CDKAL1: variants seen among roughly 807,000 people sequenced by gnomAD.
CDKAL1 encodes threonylcarbamoyladenosine tRNA methylthiotransferase.
Under a neutral mutation model 68.2 loss-of-function variants are expected in CDKAL1, and 32 were observed. The ratio of observed to expected loss-of-function variants is 0.47; its 90% CI spans 0.35 to 0.63. CDKAL1 has a LOEUF of 0.63. CDKAL1 is among the 30% of genes least tolerant of loss of function. CDKAL1 has a pLI of 0.00. For synonymous variants in CDKAL1, 234 were observed against 244.3 expected, an observed-to-expected ratio of 0.96 and a Z score of 0.39; for missense variants, 606 against 696.7, an observed-to-expected ratio of 0.87 and a Z score of 1.47.
chr6:20,563,422 C>G (rs1764341993), intron 4 of CDKAL1, among the ~76,000 whole-genome samples: 1 of 152,094 alleles, frequency 6.6e-6, no homozygotes, highest in African/African-American at 2.4e-5. Flanking sequence ...GTATTTGAAG[C>G]TTATCATTTC....
chr6:20,624,581 C>A (rs968976026), intron 4 of CDKAL1, among the ~76,000 whole-genome samples: 1 of 151,858 alleles, frequency 6.6e-6, no homozygotes, highest in African/African-American at 2.4e-5. Flanking sequence ...CACCATGAGC[C>A]CCACAAACTC....
chr6:21,031,506 G>T (rs1769290252), intron 11 of CDKAL1, among the ~76,000 whole-genome samples: 1 of 151,908 alleles, frequency 6.6e-6, no homozygotes, highest in South Asian at 2.1e-4. Context: ...GAGGCAAGAT[G>T]TCTGCCTACC....
intron 6 of CDKAL1, among the ~76,000 whole-genome samples, chr6:20,746,996 TC>T (rs1468265201): frequency 2.6e-5 from 4 of 152,056 alleles, no homozygotes; most frequent in Non-Finnish European, 5.9e-5. Context: ...CACATTTTTC[TC>T]CCCCTCCCCA....
At chr6:20,734,147 T>C (rs911187272) in intron 5 of CDKAL1, among the ~76,000 whole-genome samples, 9 of 146,282 alleles carry the variant, frequency 6.2e-5, no homozygotes, top group Non-Finnish European at 1.0e-4. Context: ...AGACTCTGTC[T>C]TGAAAAAAAA....
chr6:20,780,767 G>T (rs1018307965), intron 7 of CDKAL1, among the ~76,000 whole-genome samples: 2 of 147,426 alleles, frequency 1.4e-5, no homozygotes, highest in Non-Finnish European at 1.5e-5. Context: ...TCCGCCTCCC[G>T]GGCTCGAGCT....
chr6:20,612,399 A>G (rs1225118121), intron 4 of CDKAL1, among the ~76,000 whole-genome samples: 1 of 152,170 alleles, frequency 6.6e-6, no homozygotes, highest in Non-Finnish European at 1.5e-5. Context: ...TTTTCTCTGC[A>G]TCCTTATAAG....
chr6:20,971,002 C>A (rs984601432), intron 10 of CDKAL1, among the ~76,000 whole-genome samples: 1 of 152,136 alleles, frequency 6.6e-6, no homozygotes. Context: ...GCACGTGCCA[C>A]CACACCCGGC....
At chr6:21,189,209 G>A (rs1030037596) in intron 13 of CDKAL1, among the ~76,000 whole-genome samples, 1 of 152,130 alleles carries the variant, frequency 6.6e-6, no homozygotes, top group Non-Finnish European at 1.5e-5. Context: ...ACTGCCTCGG[G>A]CCTGGTCTTT....
chr6:21,039,114 A>G (rs1041811175), intron 11 of CDKAL1, among the ~76,000 whole-genome samples: 4 of 152,156 alleles, frequency 2.6e-5, no homozygotes, highest in Non-Finnish European at 5.9e-5. Flanking sequence ...ACTCAGCAGG[A>G]GGGGAGCAAG....
intron 5 of CDKAL1, among the ~76,000 whole-genome samples, chr6:20,702,589 G>GGCTGGCCT (rs201914127): frequency 0.046 from 7,020 of 152,210 alleles, 181 homozygotes; most frequent in Middle Eastern, 0.082. Context: ...GTCGATGGCC[G>GGCTGGCCT]GCTGGCCTGC....
chr6:20,952,584 G>T (rs1490324487), intron 9 of CDKAL1, among the ~76,000 whole-genome samples: 1 of 152,234 alleles, frequency 6.6e-6, no homozygotes, highest in East Asian at 1.9e-4. Context: ...TAAAGGTTTG[G>T]ATGAATTGAG....
chr6:20,948,043 G>C (rs1194207403), intron 9 of CDKAL1, among the ~76,000 whole-genome samples: 2 of 135,146 alleles, frequency 1.5e-5, no homozygotes, highest in Non-Finnish European at 3.1e-5. Flanking sequence ...AAAGAAACAA[G>C]GTCTTACTCT....
At chr6:20,556,467 A>C (rs1377535979) in intron 4 of CDKAL1, among the ~76,000 whole-genome samples, 1 of 152,158 alleles carries the variant, frequency 6.6e-6, no homozygotes, top group Non-Finnish European at 1.5e-5. Flanking sequence ...AAAGTAATTG[A>C]TCCAGTGGAA....
chr6:21,221,154 G>A (rs1213344344), intron 15 of CDKAL1, among the ~76,000 whole-genome samples: 1 of 152,062 alleles, frequency 6.6e-6, no homozygotes, highest in Non-Finnish European at 1.5e-5. Context: ...GTGACAGAGC[G>A]AGACTCTATC....
chr6:20,835,129 G>A (rs771447363), intron 8 of CDKAL1, among the ~76,000 whole-genome samples: 1 of 152,178 alleles, frequency 6.6e-6, no homozygotes, highest in African/African-American at 2.4e-5. Context: ...TGGGTAGAGG[G>A]TTTAGAGGGA....
At chr6:21,064,709 A>C (rs977897544) in intron 11 of CDKAL1, among the ~76,000 whole-genome samples, 4 of 152,206 alleles carry the variant, frequency 2.6e-5, no homozygotes, top group Non-Finnish European at 4.4e-5. Context: ...GAGTAGTTCA[A>C]GAGTTAAAGC....
intron 5 of CDKAL1, among the ~76,000 whole-genome samples, chr6:20,690,358 T>G (rs1404122049): frequency 6.6e-6 from 1 of 152,192 alleles, no homozygotes; most frequent in Non-Finnish European, 1.5e-5. Flanking sequence ...TTTACCTTCT[T>G]TTTTGGTATT....
chr6:21,229,958 G>A (rs1458895822), intron 15 of CDKAL1, among the ~76,000 whole-genome samples: 1 of 151,156 alleles, frequency 6.6e-6, no homozygotes, highest in East Asian at 1.9e-4. Context: ...CTCTGCCCAA[G>A]CAGGGTTTCC....
At chr6:21,095,832 TA>T (rs1183737910) in intron 12 of CDKAL1, among the ~76,000 whole-genome samples, 1 of 152,128 alleles carries the variant, frequency 6.6e-6, no homozygotes, top group Non-Finnish European at 1.5e-5. Context: ...AGGCCAAAGA[TA>T]AAAAAGAAAA....
Sources: allele counts gnomAD v4.1 joint callset (sites outside exome capture counted in the v4.1 genomes callset), GRCh38; gene constraint gnomAD v4.1.1; transcripts MANE v1.5; gene names NCBI Gene and HGNC (gene_info 2026-07-23, HGNC 2026-07-21).